The following PLXNA4 variants were observed in gnomAD, a reference collection of about 807,000 sequenced individuals.
PLXNA4 encodes plexin-A4.
PLXNA4 carries 44 observed loss-of-function variants against 191.8 expected under a neutral mutation model. The observed-to-expected ratio is 0.23, with a 90% CI of 0.18 to 0.29. The LOEUF (loss-of-function observed/expected upper bound fraction) is 0.29. Among genes scored for constraint, PLXNA4 ranks in the 10% least tolerant of loss-of-function variants. The probability of loss-of-function intolerance (pLI) is 1.00; values close to 1 mark genes in which losing one functional copy is unlikely to be tolerated. For synonymous variants in PLXNA4, 1,082 were observed against 1,009.5 expected, an observed-to-expected ratio of 1.07 and a Z score of -1.36; for missense variants, 1,800 against 2,488.8, an observed-to-expected ratio of 0.72 and a Z score of 5.89.
intron 4 of PLXNA4, among the ~76,000 whole-genome samples, chr7:132,283,432 C>T (rs374913574): frequency 2.6e-5 from 4 of 152,300 alleles, no homozygotes; most frequent in African/African-American, 4.8e-5. Context: ...TAGAGAGATA[C>T]GATCCTGGGC....
chr7:132,178,887 G>C (rs1796582832), intron 20 of PLXNA4, among the ~76,000 whole-genome samples: 1 of 131,000 alleles, frequency 7.6e-6, no homozygotes, highest in Non-Finnish European at 1.6e-5. Flanking sequence ...CTCCAGCACT[G>C]CCCACAGCTG....
intron 4 of PLXNA4, among the ~76,000 whole-genome samples, chr7:132,273,361 C>T (rs958563709): frequency 4.6e-5 from 7 of 152,000 alleles, no homozygotes; most frequent in South Asian, 2.1e-4. Context: ...CACACACGCA[C>T]GCACACGCAC....
At chr7:132,521,688 T>C (rs1200210869) in intron 1 of PLXNA4, among the ~76,000 whole-genome samples, 1 of 152,146 alleles carries the variant, frequency 6.6e-6, no homozygotes, top group Non-Finnish European at 1.5e-5. Context: ...GGAAGTCTCA[T>C]CCCCTTCCTC....
intron 20 of PLXNA4, among the ~76,000 whole-genome samples, chr7:132,177,686 G>T (rs904064009): frequency 1.3e-5 from 2 of 152,132 alleles, no homozygotes; most frequent in Non-Finnish European, 2.9e-5. Flanking sequence ...GTCACCAAGC[G>T]CCTCCAACAT....
intron 3 of PLXNA4, among the ~76,000 whole-genome samples, chr7:132,301,034 G>T (rs76939216): frequency 1.3e-5 from 2 of 152,178 alleles, no homozygotes; most frequent in Non-Finnish European, 2.9e-5. Context: ...GGATGAGGAA[G>T]CACCAACTGG....
intron 24 of PLXNA4, among the ~76,000 whole-genome samples, chr7:132,159,975 A>G (rs1164367690): frequency 2.6e-5 from 4 of 152,242 alleles, no homozygotes; most frequent in Non-Finnish European, 5.9e-5. Flanking sequence ...AACAGACACC[A>G]GTGCATGCAT....
chr7:132,238,816 G>T (rs910726454), intron 5 of PLXNA4, among the ~76,000 whole-genome samples: 28 of 147,072 alleles, frequency 1.9e-4, no homozygotes, highest in African/African-American at 5.2e-4. Context: ...GTCACAAGAG[G>T]GGGGGGGGCA....
chr7:132,465,402 G>A (rs183844397), intron 3 of PLXNA4, among the ~76,000 whole-genome samples: 14 of 152,020 alleles, frequency 9.2e-5, no homozygotes, highest in Non-Finnish European at 1.6e-4. Flanking sequence ...ACAAAGAAAA[G>A]GTTCTGTCTC....
chr7:132,621,381 C>T (rs1351809271), intron 2 of PLXNA4, among the ~76,000 whole-genome samples: 2 of 151,958 alleles, frequency 1.3e-5, no homozygotes, highest in African/African-American at 4.8e-5. Context: ...CTGCCTCAGC[C>T]TCCCAAGTAG....
At chr7:132,429,595 T>C (rs999601112) in intron 3 of PLXNA4, among the ~76,000 whole-genome samples, 3 of 152,206 alleles carry the variant, frequency 2.0e-5, no homozygotes, top group African/African-American at 7.2e-5. Flanking sequence ...GTTCTTTTGA[T>C]TTTTTTCAAC....
At chr7:132,438,566 TCA>T (rs1256966435) in intron 3 of PLXNA4, among the ~76,000 whole-genome samples, 2 of 152,212 alleles carry the variant, frequency 1.3e-5, no homozygotes, top group African/African-American at 4.8e-5. Flanking sequence ...CTGGATAATC[TCA>T]GTATTAGTCT....
At chr7:132,201,969 A>G (rs545425266) in intron 12 of PLXNA4, among the ~76,000 whole-genome samples, 2 of 152,308 alleles carry the variant, frequency 1.3e-5, no homozygotes, top group Admixed American at 1.3e-4. Flanking sequence ...AGGGACGCTC[A>G]GGCCCACCGC....
At chr7:132,274,004 TA>T (rs5887563) in intron 4 of PLXNA4, among the ~76,000 whole-genome samples, 7,754 of 147,120 alleles carry the variant, frequency 0.053, 233 homozygotes, top group Middle Eastern at 0.072. Context: ...TATTCAGCAG[TA>T]AAAAAAAAAG....
chr7:132,520,546 C>T (rs1039506515), intron 1 of PLXNA4, among the ~76,000 whole-genome samples: 3 of 152,218 alleles, frequency 2.0e-5, no homozygotes, highest in Non-Finnish European at 2.9e-5. Flanking sequence ...TCATTTCCTA[C>T]ATGTAGCAAG....
chr7:132,297,784 G>A (rs188828110), intron 4 of PLXNA4, among the ~76,000 whole-genome samples: 54 of 152,218 alleles, frequency 3.5e-4, no homozygotes, highest in Non-Finnish European at 7.1e-4. Context: ...CCCACAATTT[G>A]GGCATCTGTA....
intron 4 of PLXNA4, among the ~76,000 whole-genome samples, chr7:132,285,906 G>A (rs1304379481): frequency 6.6e-6 from 1 of 152,154 alleles, no homozygotes; most frequent in African/African-American, 2.4e-5. Flanking sequence ...TGAGAGGGGT[G>A]AGGTGGTCAA....
rs188665319 is a variant in PLXNA4 at position 132,147,590 on chromosome 7, A to G, written c.4864+310T>C. Among the ~76,000 whole-genome samples the G allele has an allele frequency of 1.1e-4, 17 of 152,342 alleles. No individual in the cohort carries two copies. The East Asian group carries it at 3.1e-3, about 28-fold the overall frequency. On this transcript the variant is annotated intron_variant, in intron 27 of 31. Coordinates refer to ENST00000321063, the MANE Select transcript of PLXNA4 (RefSeq NM_020911.2). ...GTACTAATCTGCATAATAGGGGGAA[A>G]TAATAATTATTTAATTCACTAGATT...
At chr7:132,540,569 C>CTTT (rs71915138) in intron 1 of PLXNA4, among the ~76,000 whole-genome samples, 5,827 of 60,758 alleles carry the variant, frequency 0.096, 1,842 homozygotes, top group Middle Eastern at 0.15. Flanking sequence ...GTGGACCGTT[C>CTTT]TTTTTTTTTT....
chr7:132,562,216 TTC>T (rs1801201212), intron 1 of PLXNA4, among the ~76,000 whole-genome samples: 1 of 126,028 alleles, frequency 7.9e-6, no homozygotes, highest in African/African-American at 3.3e-5. Flanking sequence ...CTCCTCCTCC[TTC>T]TCTTCCTCTT....
Sources: gnomAD v4.1 joint callset for allele counts (sites outside exome capture counted in the v4.1 genomes callset) on GRCh38, gnomAD v4.1.1 for gene constraint, MANE v1.5 for transcripts, NCBI Gene and HGNC (gene_info 2026-07-23, HGNC 2026-07-21) for gene names.